BCKDHA: variants seen among roughly 807,000 people sequenced by gnomAD.
BCKDHA encodes branched chain keto acid dehydrogenase E1 subunit alpha.
In BCKDHA, 43 loss-of-function variants were observed where a neutral mutation model predicts 52.2. The observed-to-expected ratio is 0.82, with a 90% CI of 0.64 to 1.06. The LOEUF is 1.06. Ranked by LOEUF, BCKDHA falls within the 50% of genes least tolerant of loss-of-function variation. The probability of loss-of-function intolerance (pLI) is 0.00; values close to 1 mark genes in which losing one functional copy is unlikely to be tolerated. For missense variants in BCKDHA, 527 were observed against 621.3 expected (o/e 0.85, Z 1.61); for synonymous variants, 234 against 247.9 (o/e 0.94, Z 0.53).
chr19:41,410,588 C>G (rs939466642), intron 1 of BCKDHA, 49 bp from the exon 2 acceptor site: 1 of 1,610,834 alleles, frequency 6.2e-7, no homozygotes. Flanking sequence ...CCAGCGGAAA[C>G]CTGGGTGCTG....
intron 3 of BCKDHA, among the ~76,000 whole-genome samples, chr19:41,413,108 G>A (rs987698945): frequency 2.0e-5 from 3 of 152,142 alleles, no homozygotes; most frequent in Admixed American, 6.5e-5. Context: ...GTTGACCTTC[G>A]TGCTCTGCTT....
Position 41,412,380 on chromosome 19 carries a change from C to CTTTTTTTTTTTTTTTTT in BCKDHA, c.375+1373_375+1389dup, listed in dbSNP as rs530972813. On this transcript the variant is annotated intron_variant, in intron 3 of 8. Transcript: ENST00000269980. Reference sequence around the variant, plus strand: ...TCATTCCCTCTGTCTGTAGATATTTCTTTTTTTTTTTTTTTTTTACTTTTG... The same window carrying CTTTTTTTTTTTTTTTTT: ...TCATTCCCTCTGTCTGTAGATATTTCTTTTTTTTTTTTTTTTTTTTTTTTTTTTTTTTTTTACTTTTG... 7.3e-4 allele frequency among the ~76,000 whole-genome samples: 48 copies of CTTTTTTTTTTTTTTTTT among 65,854 alleles called. 6 individuals carry two copies. The highest frequency in any genetic ancestry group is 8.6e-4 in the Non-Finnish European group (28 of 32,578). The allele number at this position is 65,854 out of a possible 152,430, so 43.2% of individuals were successfully genotyped here. A position where few individuals can be genotyped will look rare whatever the true frequency, so the allele number is the denominator to read the frequency against.
chr19:41,423,922 G>C (rs1194532619), intron 8 of BCKDHA, among the ~76,000 whole-genome samples: 2 of 152,048 alleles, frequency 1.3e-5, no homozygotes, highest in Admixed American at 1.3e-4. Flanking sequence ...GAACCCGGGA[G>C]GTGGAACTTG....
intron 1 of BCKDHA, 64 bp from the exon 2 acceptor site, chr19:41,410,573 C>T (rs2123253461): frequency 1.9e-6 from 3 of 1,593,870 alleles, no homozygotes; most frequent in Non-Finnish European, 2.6e-6. Context: ...GCCGCCGGGG[C>T]TGAGCCAGCG....
intron 1 of BCKDHA, among the ~76,000 whole-genome samples, chr19:41,402,540 C>T (rs891908030): frequency 6.6e-6 from 1 of 152,110 alleles, no homozygotes; most frequent in Non-Finnish European, 1.5e-5. Flanking sequence ...CTCTGGACTC[C>T]AAAACCCAGT....
chr19:41,398,514 G>C (rs572621782), intron 1 of BCKDHA, among the ~76,000 whole-genome samples: 5 of 152,322 alleles, frequency 3.3e-5, no homozygotes, highest in Non-Finnish European at 7.3e-5. Flanking sequence ...TCTGGACACT[G>C]TACAGAGGAG....
intron 1 of BCKDHA, among the ~76,000 whole-genome samples, chr19:41,409,508 G>A (rs932118656): frequency 2.0e-5 from 3 of 152,138 alleles, no homozygotes; most frequent in African/African-American, 7.2e-5. Flanking sequence ...GTCTGGGCTC[G>A]CAGAGGGAGC....
At position 41,424,718 on chromosome 19, in the gene BCKDHA, C is replaced by A; in HGVS notation, c.*110C>A. 2 of 1,264,674 alleles carry A rather than the reference C, an allele frequency of 1.6e-6. No homozygotes were observed. Among genetic ancestry groups the A allele is most frequent in the Non-Finnish European group, 1.1e-6 (1 of 926,464 alleles). 78.3% of individuals were successfully genotyped at this position (1,264,674 alleles called of 1,614,324 possible). A position where few individuals can be genotyped will look rare whatever the true frequency, so the allele number is the denominator to read the frequency against. On this transcript the variant is annotated 3_prime_UTR_variant, in exon 9 of 9. Coordinates refer to ENST00000269980, the MANE Select transcript of BCKDHA (RefSeq NM_000709.4). Reference sequence around the variant, plus strand: ...ACCACTGTCTTCCCCAGTCAGCTCCCTCTAAAATACTCAGCGGCCAGGGCG... The same window carrying A: ...ACCACTGTCTTCCCCAGTCAGCTCCATCTAAAATACTCAGCGGCCAGGGCG...
At position 41,414,149 on chromosome 19, in the gene BCKDHA, G is replaced by A. The variant is rs773048903; in HGVS notation, c.476G>A (p.Arg159Gln). The A allele has an allele frequency of 1.9e-6, 3 of 1,613,496 alleles. No individual in the cohort carries two copies. The highest frequency in any genetic ancestry group is 2.5e-6 in the Non-Finnish European group (3 of 1,179,962). The change falls in exon 4 of 9, where the codon CGG (arginine) becomes CAG (glutamine). Residue 159 changes from arginine to glutamine, a missense_variant. Transcript: ENST00000269980. ...DNTDLVFGQY[R>Q]EAGVLMYRDY... ...ACGGACCTGGTGTTTGGCCAGTACC[G>A]GGAGGCAGGTACGTCTGTCCGTGGT...
chr19:41,423,108 T>G lies in BCKDHA; in HGVS notation c.1106T>G (p.Leu369Arg). 6.4e-7 allele frequency: 1 copy of G among 1,566,278 alleles called. No individual in the cohort carries two copies. Among genetic ancestry groups the G allele is most frequent in the Non-Finnish European group, 8.7e-7 (1 of 1,155,198 alleles). Residue 369 changes from leucine to arginine, a missense_variant, in exon 8 of 9, where the codon CTG becomes CGG. Physicochemically the swap from Leu to Arg is moderately radical, Grantham distance 102. Transcript: ENST00000269980. ...HPISRLRHYL[L>R]SQGWWDEEQE... ...ATCTCCCGGCTGCGGCACTATCTGCTGAGCCAAGGCTGGTGGGATGAGGAG... is the reference window on the plus strand; with the variant it reads ...ATCTCCCGGCTGCGGCACTATCTGCGGAGCCAAGGCTGGTGGGATGAGGAG...
At chr19:41,422,959 G>A (rs2039385888) in intron 7 of BCKDHA, 39 bp from the exon 8 acceptor site, 1 of 1,527,096 alleles carries the variant, frequency 6.5e-7, no homozygotes, top group Admixed American at 1.9e-5. Context: ...CCCACTCCAG[G>A]GAGCCCACAC....
At chr19:41,401,011 CAAAAT>C (rs1362854705) in intron 1 of BCKDHA, among the ~76,000 whole-genome samples, 7 of 151,866 alleles carry the variant, frequency 4.6e-5, no homozygotes, top group Admixed American at 4.6e-4. Context: ...CCCTCTGTCT[CAAAAT>C]AAGATAGCCA....
At chr19:41,403,362 G>A (rs139570657) in intron 1 of BCKDHA, among the ~76,000 whole-genome samples, 1 of 152,194 alleles carries the variant, frequency 6.6e-6, no homozygotes, top group South Asian at 2.1e-4. Context: ...TTGAGGCGGC[G>A]CCTCAGCTAC....
At position 41,410,644 on chromosome 19, in the gene BCKDHA, C is replaced by T. The variant is rs11549936; in HGVS notation, c.116C>T (p.Pro39Leu). ...GARGLARSHP[P>L]RQQQQFSSLD... ...CTCTGCTCTCTTCCCCAGCACCCCC[C>T]CAGGCAGCAGCAGCAGTTTTCATCT... The change falls in exon 2 of 9, where the codon CCC becomes CTC. Residue 39 changes from proline (P) to leucine (L), a missense_variant. Coordinates refer to ENST00000269980, the MANE Select transcript of BCKDHA (RefSeq NM_000709.4). 8.7e-6 allele frequency: 14 copies of T among 1,614,008 alleles called. No homozygotes were observed. Among genetic ancestry groups the T allele is most frequent in the African/African-American group, 8.0e-5 (6 of 74,916 alleles).
chr19:41,402,462 T>C (rs2039148341), intron 1 of BCKDHA, among the ~76,000 whole-genome samples: 2 of 152,090 alleles, frequency 1.3e-5, no homozygotes, highest in South Asian at 4.1e-4. Flanking sequence ...GCAAGGCCTT[T>C]ATTGGTAGTA....
At chr19:41,419,099 G>T in intron 4 of BCKDHA, 36 bp from the exon 5 acceptor site, 1 of 1,613,142 alleles carries the variant, frequency 6.2e-7, no homozygotes, top group South Asian at 1.1e-5. Flanking sequence ...CCCCTGTACT[G>T]CCCACTCGGC....
intron 1 of BCKDHA, among the ~76,000 whole-genome samples, chr19:41,408,631 T>C (rs1338298380): frequency 6.6e-6 from 1 of 151,950 alleles, no homozygotes; most frequent in Non-Finnish European, 1.5e-5. Flanking sequence ...CTTTTTTTTT[T>C]GTTTGAGACA....
chr19:41,398,730 A>G (rs1174707835), intron 1 of BCKDHA, among the ~76,000 whole-genome samples: 2 of 152,152 alleles, frequency 1.3e-5, no homozygotes, highest in Admixed American at 6.6e-5. Context: ...GGGAGAGGCA[A>G]TGGGTTGCAG....
chr19:41,418,526 TA>T (rs1784872407), intron 4 of BCKDHA, among the ~76,000 whole-genome samples: 1 of 134,742 alleles, frequency 7.4e-6, no homozygotes, highest in African/African-American at 2.8e-5. Context: ...ATTTGGTTCA[TA>T]ATGATGATTT....
Sources: allele counts gnomAD v4.1 joint callset (sites outside exome capture counted in the v4.1 genomes callset), GRCh38; gene constraint gnomAD v4.1.1; transcripts MANE v1.5; gene names NCBI Gene and HGNC (gene_info 2026-07-23, HGNC 2026-07-21).